Variants in DSCAML1 observed in about 807,000 individuals in gnomAD.
The protein encoded by DSCAML1 is DS cell adhesion molecule like 1, also known as cell adhesion molecule DSCAML1.
DSCAML1 carries 38 observed loss-of-function variants against 200.5 expected under a neutral mutation model. The ratio of observed to expected loss-of-function variants is 0.19; its 90% CI spans 0.15 to 0.25. DSCAML1 has a LOEUF of 0.25. Ranked by LOEUF, DSCAML1 falls within the 10% of genes least tolerant of loss-of-function variation. The pLI, the probability that DSCAML1 is intolerant of heterozygous loss-of-function variation, is 1.00. For synonymous variants in DSCAML1, 1,215 were observed against 1,165.0 expected, an observed-to-expected ratio of 1.04 and a Z score of -0.87; for missense variants, 2,223 against 2,858.8, an observed-to-expected ratio of 0.78 and a Z score of 5.07.
chr11:117,488,002 G>A (rs777268034), intron 11 of DSCAML1, among the ~76,000 whole-genome samples: 2 of 152,174 alleles, frequency 1.3e-5, no homozygotes, highest in South Asian at 2.1e-4. Context: ...AGGGAAAGAC[G>A]GTCTGGGAAT....
chr11:117,728,185 G>T (rs2054163959), intron 3 of DSCAML1, among the ~76,000 whole-genome samples: 2 of 152,144 alleles, frequency 1.3e-5, no homozygotes, highest in Admixed American at 1.3e-4. Context: ...AAACCCACAT[G>T]ATCATTCAAT....
At chr11:117,535,141 C>T (rs2050142659) in intron 3 of DSCAML1, among the ~76,000 whole-genome samples, 1 of 152,184 alleles carries the variant, frequency 6.6e-6, no homozygotes, top group South Asian at 2.1e-4. Flanking sequence ...CTACCAACAC[C>T]CAGCCTCAGC....
At position 117,428,359 on chromosome 11, in the gene DSCAML1, C is replaced by T; in HGVS notation, c.6131G>A (p.Gly2044Glu). The T allele has an allele frequency of 1.3e-6, 2 of 1,584,150 alleles. No homozygotes were observed. The highest frequency in any genetic ancestry group is 1.7e-6 in the Non-Finnish European group (2 of 1,161,760). Residue 2044 changes from glycine (G) to glutamate (E), a missense_variant, in exon 33 of 33, where the codon GGG becomes GAG. By Grantham distance (98) the Gly-to-Glu change is moderately conservative (BLOSUM62 -2). Coordinates refer to ENST00000651296, the MANE Select transcript of DSCAML1 (RefSeq NM_020693.4). ...GVGRSQKQGA[G>E]AYSKSYTLV ...CAGGGTGTAGGATTTGGAGTAGGCC[C>T]CGGCCCCCTGCTTCTGAGACCTCCC... is the stretch of plus-strand genomic sequence containing the variant.
At chr11:117,769,470 T>TTA (rs1210809172) in intron 3 of DSCAML1, among the ~76,000 whole-genome samples, 2 of 83,338 alleles carry the variant, frequency 2.4e-5, no homozygotes, top group Non-Finnish European at 4.2e-5. Flanking sequence ...AATATATATT[T>TTA]TATATATATA....
intron 3 of DSCAML1, among the ~76,000 whole-genome samples, chr11:117,687,948 A>C (rs746062576): frequency 3.3e-4 from 50 of 152,294 alleles, no homozygotes; most frequent in Middle Eastern, 3.4e-3. Flanking sequence ...AAGGATGTCT[A>C]TGGGGAGTCC....
intron 3 of DSCAML1, among the ~76,000 whole-genome samples, chr11:117,696,616 G>C (rs1378759199): frequency 9.0e-6 from 1 of 110,812 alleles, no homozygotes; most frequent in Non-Finnish European, 2.0e-5. Flanking sequence ...CACTCATCTT[G>C]CTGCCTGGCC....
At chr11:117,788,313 GTTTTT>G (rs2055399404) in intron 1 of DSCAML1, among the ~76,000 whole-genome samples, 1 of 151,992 alleles carries the variant, frequency 6.6e-6, no homozygotes, top group South Asian at 2.1e-4. Context: ...TTGTTGTTTT[GTTTTT>G]GTTTTTGTTG....
intron 32 of DSCAML1, 151 bp downstream of exon 32, chr11:117,430,571 A>G (rs2047765813): frequency 3.5e-6 from 3 of 853,818 alleles, no homozygotes; most frequent in Non-Finnish European, 5.3e-6. Flanking sequence ...CCTGCTCCTA[A>G]GTCCTTGCTG....
chr11:117,690,496 C>T (rs1305395385), intron 3 of DSCAML1, among the ~76,000 whole-genome samples: 1 of 152,266 alleles, frequency 6.6e-6, no homozygotes, highest in African/African-American at 2.4e-5. Flanking sequence ...ACTGTGATTT[C>T]CTTGAGGCCT....
At position 117,516,262 on chromosome 11, in the gene DSCAML1, C is replaced by T. The variant is rs911116992; in HGVS notation, c.1783+205G>A. Among the ~76,000 whole-genome samples the T allele has an allele frequency of 2.6e-5, 4 of 152,314 alleles. No homozygotes were observed. Among genetic ancestry groups the T allele is most frequent in the Non-Finnish European group, 5.9e-5 (4 of 68,022 alleles). ...CTTATTCTGCAGCCCGAGGAGGACC[C>T]CGGATGTAGAGGAGCTCATGGCCTG... is the stretch of plus-strand genomic sequence containing the variant. On this transcript the variant is annotated intron_variant, in intron 8 of 32. Transcript: ENST00000651296. The surrounding 1 kb of genome is among the most constrained non-coding windows in gnomAD (Gnocchi z 5.7).
At chr11:117,434,590 A>T (rs143489117) in intron 27 of DSCAML1, among the ~76,000 whole-genome samples, 1 of 151,334 alleles carries the variant, frequency 6.6e-6, no homozygotes, top group East Asian at 2.0e-4. Context: ...GCCATTCAAC[A>T]ATCCATCAAT....
intron 3 of DSCAML1, among the ~76,000 whole-genome samples, chr11:117,665,470 A>G (rs1430046190): frequency 6.6e-6 from 1 of 152,176 alleles, no homozygotes; most frequent in Non-Finnish European, 1.5e-5. Context: ...CTCAGGCAGG[A>G]GTGGCTCCGG....
chr11:117,495,133 C>G (rs2049266103), intron 11 of DSCAML1, among the ~76,000 whole-genome samples: 1 of 152,094 alleles, frequency 6.6e-6, no homozygotes, highest in African/African-American at 2.4e-5. Context: ...GGAGCTGGGC[C>G]AGGGTAGGGG....
chr11:117,666,383 C>T (rs552948077), intron 3 of DSCAML1, among the ~76,000 whole-genome samples: 1 of 152,332 alleles, frequency 6.6e-6, no homozygotes, highest in Admixed American at 6.5e-5. Flanking sequence ...AGTGCCCCTG[C>T]CTCTGTCTAA....
At chr11:117,802,379 C>T (rs889847360) in intron 1 of DSCAML1, among the ~76,000 whole-genome samples, 1 of 152,170 alleles carries the variant, frequency 6.6e-6, no homozygotes, top group Admixed American at 6.5e-5. Context: ...TCTGACTTGT[C>T]TCCTCTTCTA....
At chr11:117,525,929 C>T (rs2049969868) in intron 4 of DSCAML1, among the ~76,000 whole-genome samples, 1 of 152,240 alleles carries the variant, frequency 6.6e-6, no homozygotes, top group Non-Finnish European at 1.5e-5. Context: ...ATGACCAGTG[C>T]ATTTCCATCA....
In DSCAML1 at chr11:117,505,425, T is replaced by A. The variant is rs1385347990; in HGVS notation, c.2062+29A>T. On this transcript the variant is annotated intron_variant, in intron 9 of 32. Coordinates refer to ENST00000651296, the MANE Select transcript of DSCAML1 (RefSeq NM_020693.4). The surrounding 1 kb of genome is among the most constrained non-coding windows in gnomAD (Gnocchi z 6.7). ...GCAGCAGGCAGAATGGGCTCCTCCCTCCCCTGAGGCTGGCCTGTCCCTGCT... is the reference window on the plus strand; with the variant it reads ...GCAGCAGGCAGAATGGGCTCCTCCCACCCCTGAGGCTGGCCTGTCCCTGCT... 2 of 1,597,098 alleles carry A rather than the reference T, an allele frequency of 1.3e-6. No homozygotes were observed. The highest frequency in any genetic ancestry group is 1.7e-6 in the Non-Finnish European group (2 of 1,174,308).
At chr11:117,713,702 C>T (rs2053894436) in intron 3 of DSCAML1, among the ~76,000 whole-genome samples, 1 of 152,240 alleles carries the variant, frequency 6.6e-6, no homozygotes. Context: ...ACCTCCGTCA[C>T]CAGTTCAGAT....
intron 3 of DSCAML1, among the ~76,000 whole-genome samples, chr11:117,609,426 C>A (rs1170317214): frequency 6.6e-6 from 1 of 151,640 alleles, no homozygotes; most frequent in Admixed American, 6.6e-5. Context: ...TCCCCTCTCA[C>A]CCTTCTAAGT....
Sources: allele counts gnomAD v4.1 joint callset (sites outside exome capture counted in the v4.1 genomes callset), GRCh38; gene constraint gnomAD v4.1.1; non-coding constraint Gnocchi (gnomAD v3.1); transcripts MANE v1.5; gene names NCBI Gene and HGNC (gene_info 2026-07-23, HGNC 2026-07-21).